Variants in KLF12 observed in about 807,000 individuals in gnomAD.
KLF12 encodes the protein Krueppel-like factor 12.
A neutral mutation model predicts 37.8 loss-of-function variants in KLF12; 9 were observed. The observed-to-expected ratio is 0.24, with a 90% CI of 0.14 to 0.42. The LOEUF (loss-of-function observed/expected upper bound fraction) is 0.42. Ranked by LOEUF, KLF12 falls within the 10% of genes least tolerant of loss-of-function variation. KLF12 has a pLI of 1.00. For synonymous variants in KLF12, 208 were observed against 202.1 expected (o/e 1.03, Z -0.25); for missense variants, 411 against 516.0 (o/e 0.80, Z 1.97).
In KLF12 at chr13:74,070,554, C is replaced by T. The variant is rs981301039; in HGVS notation, c.-32+63185G>A. 2.0e-5 allele frequency among the ~76,000 whole-genome samples: 3 copies of T among 152,308 alleles called. No homozygotes were observed. In the East Asian group the frequency reaches 5.8e-4, roughly 29 times the overall value. On this transcript the variant is annotated intron_variant, in intron 1 of 7. Coordinates refer to ENST00000377669, the MANE Select transcript of KLF12 (RefSeq NM_007249.5). ...GACTGGACCCTGCCAGCAACAGCCACCATCCAAAACAACTCACCTTCCGCA... is the reference window on the plus strand; with the variant it reads ...GACTGGACCCTGCCAGCAACAGCCATCATCCAAAACAACTCACCTTCCGCA...
At chr13:73,999,674 A>G (rs1400728665) in intron 1 of KLF12, among the ~76,000 whole-genome samples, 1 of 152,150 alleles carries the variant, frequency 6.6e-6, no homozygotes, top group East Asian at 1.9e-4. Context: ...CGTGAGGCAC[A>G]GCTTGCAGTG....
At chr13:74,286,667 A>G in the KLF12 span, among the ~76,000 whole-genome samples, 1 of 152,186 alleles carries the variant, frequency 6.6e-6, no homozygotes, top group African/African-American at 2.4e-5. Context: ...GGTAATTTGC[A>G]TTTTTAAAGT....
At chr13:74,173,247 G>T in the KLF12 span, among the ~76,000 whole-genome samples, 12 of 152,268 alleles carry the variant, frequency 7.9e-5, no homozygotes, top group African/African-American at 2.4e-4. Context: ...CATGCCAGTG[G>T]AGAAAGGAAC....
In KLF12 at chr13:73,814,430, G is replaced by A. The variant is rs528813211; in HGVS notation, c.671-1143C>T. ...TTTTTACCCACGAAATGGCAACTTC[G>A]GATGATTGTGTCTAATATTTACAGT... On this transcript the variant is annotated intron_variant, in intron 4 of 7. Coordinates refer to ENST00000377669, the MANE Select transcript of KLF12 (RefSeq NM_007249.5). 2.6e-5 allele frequency among the ~76,000 whole-genome samples: 4 copies of A among 152,164 alleles called. 1 individual carries two copies. The South Asian group carries it at 6.2e-4, about 24-fold the overall frequency.
intron 1 of KLF12, among the ~76,000 whole-genome samples, chr13:74,065,294 A>G (rs1723194401): frequency 6.6e-6 from 1 of 152,142 alleles, no homozygotes; most frequent in South Asian, 2.1e-4. Context: ...ATTGGCATGT[A>G]TATACACACT....
intron 4 of KLF12, chr13:73,844,842 A>G (rs1884929807): frequency 6.6e-6 from 1 of 152,168 alleles, no homozygotes; most frequent in African/African-American, 2.4e-5. Context: ...TACAACATAA[A>G]TCTTAATCCA....
intron 3 of KLF12, among the ~76,000 whole-genome samples, chr13:73,940,091 G>A (rs1158365028): frequency 6.6e-6 from 1 of 152,136 alleles, no homozygotes; most frequent in Non-Finnish European, 1.5e-5. Flanking sequence ...CTCTGGGGCA[G>A]TATCCTCTAT....
chr13:74,226,328 G>T, the KLF12 span, among the ~76,000 whole-genome samples: 1 of 152,130 alleles, frequency 6.6e-6, no homozygotes, highest in African/African-American at 2.4e-5. Flanking sequence ...ACAGTTCCAG[G>T]ATGAAAAAGA....
rs1593727053 is a variant in KLF12 at position 73,919,894 on chromosome 13, C to T, written c.123+24087G>A. ...AACTGAGAAATATCGAAGCTTATTG[C>T]TACTATTATTTCTTTATTATAAATT... On this transcript the variant is annotated intron_variant, in intron 3 of 7. Transcript: ENST00000377669. Among the ~76,000 whole-genome samples the T allele has an allele frequency of 2.0e-5, 3 of 152,234 alleles. No individual in the cohort carries two copies. In the South Asian group the frequency reaches 6.2e-4, roughly 32 times the overall value.
At chr13:74,211,732 C>T in the KLF12 span, among the ~76,000 whole-genome samples, 2 of 152,108 alleles carry the variant, frequency 1.3e-5, no homozygotes, top group African/African-American at 4.8e-5. Context: ...TACTCCTTTT[C>T]CAGTAGGAGA....
chr13:73,988,189 C>A (rs548505513), intron 2 of KLF12, among the ~76,000 whole-genome samples: 2 of 152,324 alleles, frequency 1.3e-5, no homozygotes, highest in East Asian at 1.9e-4. Flanking sequence ...AAAAAATACA[C>A]CCTTTTGCAT....
intron 3 of KLF12, among the ~76,000 whole-genome samples, chr13:73,876,807 G>C (rs956251573): frequency 2.0e-5 from 3 of 152,036 alleles, no homozygotes; most frequent in African/African-American, 7.2e-5. Flanking sequence ...CTGGGGTCAG[G>C]AGTTTGAGAC....
At chr13:73,926,350 T>C (rs1338203530) in intron 3 of KLF12, among the ~76,000 whole-genome samples, 2 of 152,218 alleles carry the variant, frequency 1.3e-5, no homozygotes, top group Non-Finnish European at 2.9e-5. Flanking sequence ...AGATGAAGAT[T>C]TGCTGAAAGT....
chr13:73,957,909 C>T (rs1007611474), intron 2 of KLF12, among the ~76,000 whole-genome samples: 1 of 152,084 alleles, frequency 6.6e-6, no homozygotes, highest in African/African-American at 2.4e-5. Flanking sequence ...CAGGTTTAAA[C>T]GTTGGATCCT....
intron 1 of KLF12, among the ~76,000 whole-genome samples, chr13:73,995,455 A>C (rs1892085977): frequency 6.6e-6 from 1 of 152,104 alleles, no homozygotes; most frequent in Non-Finnish European, 1.5e-5. Context: ...TCAAACTGGA[A>C]CCCTTGGCTT....
rs531083578 is a variant in KLF12, at chr13:73,721,856, A to C, written c.870-6331T>G. On this transcript the variant is annotated intron_variant, in intron 6 of 7. Transcript: ENST00000377669. ...ATGAGACACTATGCCTACCCAGTAC[A>C]TATTTTCTTAAAGTTGTTATAAACT... 1.4e-4 allele frequency among the ~76,000 whole-genome samples: 22 copies of C among 152,172 alleles called. No homozygotes were observed. In the East Asian group the frequency reaches 3.9e-3, roughly 27 times the overall value.
chr13:73,971,545 A>T lies in KLF12; in HGVS notation c.33+23445T>A, dbSNP rs1566487993. Among the ~76,000 whole-genome samples the T allele has an allele frequency of 1.3e-5, 2 of 152,194 alleles. 1 individual carries two copies. The highest frequency in any genetic ancestry group is 3.8e-4 in the East Asian group (2 of 5,206). ...TTAAGACAGGAAAAGGTACTAAACC[A>T]TCAACTATAAAGTTGATACTATGGA... On this transcript the variant is annotated intron_variant, in intron 2 of 7. Coordinates refer to ENST00000377669, the MANE Select transcript of KLF12 (RefSeq NM_007249.5).
intron 2 of KLF12, among the ~76,000 whole-genome samples, chr13:73,972,823 A>C (rs79516986): frequency 2.0e-5 from 3 of 151,384 alleles, no homozygotes; most frequent in African/African-American, 7.3e-5. Context: ...AGCTGGATTT[A>C]TATCAGTACC....
At chr13:74,283,877 C>CAAGATAG in the KLF12 span, among the ~76,000 whole-genome samples, 1 of 148,424 alleles carries the variant, frequency 6.7e-6, no homozygotes, top group African/African-American at 2.5e-5. Flanking sequence ...TTTTTTTCCC[C>CAAGATAG]AAGATAGAGT....
Sources: allele counts gnomAD v4.1 joint callset (sites outside exome capture counted in the v4.1 genomes callset), GRCh38; gene constraint gnomAD v4.1.1; transcripts MANE v1.5; gene names NCBI Gene and HGNC (gene_info 2026-07-23, HGNC 2026-07-21).